Variants in CTNNA3 observed in about 807,000 individuals in gnomAD.
The protein encoded by CTNNA3 is catenin alpha-3.
CTNNA3 carries 76 observed loss-of-function variants against 95.7 expected under a neutral mutation model. That is an observed-to-expected ratio of 0.79 (90% CI 0.66 to 0.96). The LOEUF is 0.96. CTNNA3 is among the 40% of genes least tolerant of loss of function. CTNNA3 has a pLI of 0.00. For missense variants in CTNNA3, 1,191 were observed against 1,089.8 expected, an observed-to-expected ratio of 1.09 and a Z score of -1.31; for synonymous variants, 431 against 374.4, an observed-to-expected ratio of 1.15 and a Z score of -1.74.
chr10:67,731,663 G>A (rs1841274995), intron 1 of CTNNA3, among the ~76,000 whole-genome samples: 1 of 151,500 alleles, frequency 6.6e-6, no homozygotes, highest in Admixed American at 6.6e-5. Context: ...TTAGCCAGTC[G>A]TGGTGGTGGG....
Position 66,698,973 on chromosome 10 carries a change from C to A in CTNNA3, c.1281+67291G>T, listed in dbSNP as rs187781298. 9.3e-3 allele frequency among the ~76,000 whole-genome samples: 1,421 copies of A among 152,258 alleles called. 15 individuals are homozygous for A. Among genetic ancestry groups the A allele is most frequent in the Admixed American group, 0.028 (432 of 15,290 alleles). ...TGTTCTGAAATCAAATAAAAAGTAA[C>A]AAGACTGGCCTGAGTAGCAGAATAT... On this transcript the variant is annotated intron_variant, in intron 9 of 17. Transcript: ENST00000433211.
chr10:66,248,594 A>G (rs189901171), intron 13 of CTNNA3, among the ~76,000 whole-genome samples: 244 of 152,294 alleles, frequency 1.6e-3, no homozygotes, highest in Middle Eastern at 6.8e-3. Context: ...AAGAGTTGCT[A>G]TACTTATATG....
intron 11 of CTNNA3, among the ~76,000 whole-genome samples, chr10:66,397,588 G>A (rs58585347): frequency 0.16 from 24,487 of 151,450 alleles, 2,715 homozygotes; most frequent in East Asian, 0.45. Context: ...CCTACTACAA[G>A]GTATTTTGTG....
At chr10:65,944,252 T>C (rs923787910) in intron 17 of CTNNA3, among the ~76,000 whole-genome samples, 2 of 152,200 alleles carry the variant, frequency 1.3e-5, no homozygotes, top group African/African-American at 4.8e-5. Flanking sequence ...CAAACTACAG[T>C]TTCCCTGGAG....
intron 7 of CTNNA3, among the ~76,000 whole-genome samples, chr10:67,109,583 G>A (rs1240452060): frequency 6.6e-6 from 1 of 152,144 alleles, no homozygotes; most frequent in South Asian, 2.1e-4. Flanking sequence ...GGTAGCTCAC[G>A]CCTGTAATCC....
chr10:66,981,086 C>T (rs1850410909), intron 7 of CTNNA3, among the ~76,000 whole-genome samples: 1 of 151,878 alleles, frequency 6.6e-6, no homozygotes, highest in African/African-American at 2.4e-5. Context: ...TGTATTTTTA[C>T]TAGAGAGGGA....
intron 7 of CTNNA3, among the ~76,000 whole-genome samples, chr10:67,119,706 T>C (rs1364746857): frequency 6.6e-6 from 1 of 151,908 alleles, no homozygotes; most frequent in Non-Finnish European, 1.5e-5. Context: ...TGAATGAGAA[T>C]TCATTAACAG....
At chr10:66,965,625 C>T (rs1427673840) in intron 7 of CTNNA3, among the ~76,000 whole-genome samples, 2 of 151,080 alleles carry the variant, frequency 1.3e-5, no homozygotes, top group Admixed American at 6.6e-5. Context: ...AAGACAGTTC[C>T]CAAAATGTCT....
Position 67,542,314 on chromosome 10 carries a change from T to C in CTNNA3, c.293-2645A>G, listed in dbSNP as rs1190351531. 3.3e-5 allele frequency among the ~76,000 whole-genome samples: 5 copies of C among 152,130 alleles called. No individual in the cohort carries two copies. In the East Asian group the frequency reaches 7.7e-4, roughly 23 times the overall value. On this transcript the variant is annotated intron_variant, in intron 3 of 17. Transcript: ENST00000433211. ...CAATAAGATTCTATGTTTTCTAGCATAACCTTCATCATAATTTATTATAAC... is the reference window on the plus strand; with the variant it reads ...CAATAAGATTCTATGTTTTCTAGCACAACCTTCATCATAATTTATTATAAC...
intron 7 of CTNNA3, among the ~76,000 whole-genome samples, chr10:66,992,266 G>T (rs1293187283): frequency 5.9e-5 from 9 of 152,028 alleles, no homozygotes; most frequent in African/African-American, 2.2e-4. Flanking sequence ...CTAATCACTG[G>T]TGAAGCTAAA....
chr10:66,003,791 A>C (rs996714573), intron 15 of CTNNA3, among the ~76,000 whole-genome samples: 2 of 152,154 alleles, frequency 1.3e-5, no homozygotes, highest in Non-Finnish European at 2.9e-5. Flanking sequence ...ATGTGCTTAC[A>C]ACGTTCCAGG....
intron 9 of CTNNA3, among the ~76,000 whole-genome samples, chr10:66,708,488 T>A (rs1179012679): frequency 2.0e-5 from 3 of 152,002 alleles, no homozygotes; most frequent in Non-Finnish European, 2.9e-5. Context: ...TAAAGTCCCA[T>A]CCTAGAAGTC....
At chr10:66,446,047 T>A (rs2093418280) in intron 11 of CTNNA3, among the ~76,000 whole-genome samples, 4 of 151,594 alleles carry the variant, frequency 2.6e-5, no homozygotes, top group Admixed American at 2.6e-4. Flanking sequence ...TATTAACACC[T>A]CTAAGCAAAT....
At chr10:67,471,583 A>G (rs1847831503) in intron 5 of CTNNA3, among the ~76,000 whole-genome samples, 1 of 152,252 alleles carries the variant, frequency 6.6e-6, no homozygotes, top group Non-Finnish European at 1.5e-5. Context: ...AACTGAAGAA[A>G]AAAAGAACTG....
At position 65,973,091 on chromosome 10, in the gene CTNNA3, A is replaced by T. The variant is rs543680234; in HGVS notation, c.2266-6345T>A. On this transcript the variant is annotated intron_variant, in intron 16 of 17. Coordinates refer to ENST00000433211, the MANE Select transcript of CTNNA3 (RefSeq NM_013266.4). Reference sequence around the variant, plus strand: ...CCATCTGATCTTTGACAAAGTTGACAAAAATAAGCAGTGACTCCCTATTCA... The same window carrying T: ...CCATCTGATCTTTGACAAAGTTGACTAAAATAAGCAGTGACTCCCTATTCA... Among the ~76,000 whole-genome samples the T allele has an allele frequency of 1.5e-4, 23 of 152,250 alleles. No homozygotes were observed. The South Asian group carries it at 2.3e-3, about 15-fold the overall frequency.
intron 3 of CTNNA3, among the ~76,000 whole-genome samples, chr10:67,554,972 T>G (rs888383988): frequency 6.6e-6 from 1 of 152,232 alleles, no homozygotes; most frequent in Non-Finnish European, 1.5e-5. Flanking sequence ...TTTCTACATA[T>G]GGCTAGCCAG....
chr10:66,867,010 C>T (rs1228543201), intron 7 of CTNNA3, among the ~76,000 whole-genome samples: 1 of 152,058 alleles, frequency 6.6e-6, no homozygotes, highest in African/African-American at 2.4e-5. Context: ...TTTCTCCTTT[C>T]CCTTGGCTCT....
chr10:66,467,888 GC>G (rs1353980175), intron 11 of CTNNA3, among the ~76,000 whole-genome samples: 4 of 152,024 alleles, frequency 2.6e-5, no homozygotes, highest in Non-Finnish European at 5.9e-5. Flanking sequence ...TGGTTGAAAA[GC>G]AAAAGTAATT....
intron 7 of CTNNA3, among the ~76,000 whole-genome samples, chr10:66,826,827 G>C (rs1008821456): frequency 6.6e-6 from 1 of 152,134 alleles, no homozygotes. Context: ...ATGTCATGGA[G>C]TAGTCATTTT....
Sources: gnomAD v4.1 joint callset for allele counts (sites outside exome capture counted in the v4.1 genomes callset) on GRCh38, gnomAD v4.1.1 for gene constraint, MANE v1.5 for transcripts, NCBI Gene and HGNC (gene_info 2026-07-23, HGNC 2026-07-21) for gene names.